Variants in ZFHX3 observed in about 807,000 individuals in gnomAD.
ZFHX3 encodes zinc finger homeobox 3.
ZFHX3 carries 42 observed loss-of-function variants against 279.1 expected under a neutral mutation model. That is an observed-to-expected ratio of 0.15 (90% confidence interval 0.12 to 0.19). The LOEUF (loss-of-function observed/expected upper bound fraction) is 0.19. Among genes scored for constraint, ZFHX3 ranks in the 10% least tolerant of loss-of-function variants. The pLI, the probability that ZFHX3 is intolerant of heterozygous loss-of-function variation, is 1.00. For missense variants in ZFHX3, 4,981 were observed against 4,754.0 expected (o/e 1.05, Z -1.40); for synonymous variants, 2,293 against 1,957.8 (o/e 1.17, Z -4.52).
chr16:73,616,643 C>G lies in ZFHX3; in HGVS notation c.-1547+63537G>C, dbSNP rs566016692. Among the ~76,000 whole-genome samples, 12 of 151,832 alleles carry G rather than the reference C, an allele frequency of 7.9e-5. No homozygotes were observed. The South Asian group carries it at 2.5e-3, about 32-fold the overall frequency. On this transcript the variant is annotated intron_variant, in intron 2 of 17. Coordinates refer to the ZFHX3 transcript ENST00000641206. ...ATATGCACATGTATAAAACGCATGT[C>G]AACACTAAATGTAAATATTGGTTTA...
chr16:73,170,232 T>TTTATTTTATTTTA (rs1555502446), intron 5 of ZFHX3, among the ~76,000 whole-genome samples: 3 of 134,192 alleles, frequency 2.2e-5, no homozygotes, highest in African/African-American at 8.5e-5. Context: ...AGTTTTTTTT[T>TTTATTTTATTTTA]TTTTTTTTTT....
chr16:73,634,461 TAA>T (rs34811810), intron 2 of ZFHX3, among the ~76,000 whole-genome samples: 7 of 140,980 alleles, frequency 5.0e-5, no homozygotes, highest in African/African-American at 1.7e-4. Context: ...TATATATATA[TAA>T]AATATATATG....
chr16:73,263,119 A>G (rs1470871178), intron 4 of ZFHX3, among the ~76,000 whole-genome samples: 1 of 152,196 alleles, frequency 6.6e-6, no homozygotes, highest in Admixed American at 6.5e-5. Context: ...TACACAGCGA[A>G]AGCTAACTGA....
At chr16:72,811,537 C>A in intron 7 of ZFHX3, 40 bp downstream of exon 7, 1 of 1,524,016 alleles carries the variant, frequency 6.6e-7, no homozygotes, top group East Asian at 2.3e-5. Context: ...ACCTTTGACC[C>A]TGGAGAAAGA....
intron 7 of ZFHX3, among the ~76,000 whole-genome samples, chr16:73,109,498 C>T (rs562955594): frequency 6.5e-5 from 6 of 91,662 alleles, no homozygotes; most frequent in South Asian, 3.5e-4. Flanking sequence ...AAAATCAGCA[C>T]GACACAGGTT....
At chr16:73,464,705 T>C (rs2018533694) in intron 2 of ZFHX3, among the ~76,000 whole-genome samples, 1 of 152,202 alleles carries the variant, frequency 6.6e-6, no homozygotes, top group South Asian at 2.1e-4. Context: ...TGAAGAATTA[T>C]TATTGTGCCT....
Position 73,358,350 on chromosome 16 carries a change from C to T in ZFHX3, c.-1290-40014G>A, listed in dbSNP as rs74487474. The stretch of plus-strand genomic sequence containing the variant: ...ACAGCGGCCTCCATGCTCTCTCCTC[C>T]ATCACTTGCTCTGATGTGAGCTGCA... On this transcript the variant is annotated intron_variant, in intron 3 of 17. Transcript: ENST00000641206. Among the ~76,000 whole-genome samples, 274 of 152,356 alleles carry T rather than the reference C, an allele frequency of 1.8e-3. 8 individuals carry two copies. In the East Asian group the frequency reaches 0.047, roughly 26 times the overall value.
At chr16:73,567,896 G>A (rs1174098425) in intron 2 of ZFHX3, among the ~76,000 whole-genome samples, 2 of 152,008 alleles carry the variant, frequency 1.3e-5, no homozygotes, top group East Asian at 1.9e-4. Flanking sequence ...GACATTGAAC[G>A]TAAACCAATG....
chr16:73,091,094 C>G lies in ZFHX3; in HGVS notation c.-533+2141G>C, dbSNP rs892262338. On this transcript the variant is annotated intron_variant, in intron 8 of 17. Transcript: ENST00000641206. ...GGCATGGTGGCGGGTGCCTGTAGTC[C>G]CAGCTACTCGGGAGGCTGAGGCAAA... 7.9e-5 allele frequency among the ~76,000 whole-genome samples: 12 copies of G among 151,890 alleles called. No individual in the cohort carries two copies. The East Asian group carries it at 2.1e-3, about 27-fold the overall frequency.
intron 7 of ZFHX3, among the ~76,000 whole-genome samples, chr16:72,806,332 G>C (rs2036265692): frequency 6.6e-6 from 1 of 152,190 alleles, no homozygotes; most frequent in African/African-American, 2.4e-5. Flanking sequence ...GTAGATGGGA[G>C]AACAGGAAAC....
intron 2 of ZFHX3, among the ~76,000 whole-genome samples, chr16:73,578,714 G>T (rs1275247996): frequency 2.6e-5 from 4 of 152,034 alleles, no homozygotes; most frequent in Admixed American, 6.6e-5. Flanking sequence ...TGAGGCAAAT[G>T]CATTTATTTT....
At chr16:72,951,057 T>C (rs1960973812) in intron 2 of ZFHX3, 92 bp from the exon 3 acceptor site, 1 of 1,515,426 alleles carries the variant, frequency 6.6e-7, no homozygotes. Context: ...CACCCTCAAC[T>C]GGGGTCCAAA....
intron 5 of ZFHX3, among the ~76,000 whole-genome samples, chr16:73,237,288 C>A (rs972408900): frequency 5.9e-5 from 9 of 152,190 alleles, no homozygotes; most frequent in Non-Finnish European, 2.9e-5. Context: ...TAGGGTCTTG[C>A]TGTGTTGTCC....
chr16:72,944,047 C>T (rs1441904774), intron 3 of ZFHX3, among the ~76,000 whole-genome samples: 1 of 152,022 alleles, frequency 6.6e-6, no homozygotes, highest in African/African-American at 2.4e-5. Flanking sequence ...TTTGGGAGGC[C>T]GAGGTGGGTG....
rs570446390 is a variant in ZFHX3, at chr16:72,788,642, G to A, written c.9634C>T (p.Pro3212Ser). 1 of 1,613,416 alleles carries A rather than the reference G, an allele frequency of 6.2e-7. No individual in the cohort carries two copies. Among genetic ancestry groups the A allele is most frequent in the Admixed American group, 1.7e-5 (1 of 59,990 alleles). The stretch of plus-strand genomic sequence containing the variant: ...GGTGGCGGCTGGGCTGCTGGCGGCG[G>A]GGGAGGCTGCTGCACCTGTGGTTGC... ...QQQPQVQQPP[P>S]PPAAQPPPTP... Residue 3212 changes from proline to serine, a missense_variant, in exon 10 of 10, where the codon CCG (proline) becomes TCG (serine). Transcript: ENST00000268489.
intron 3 of ZFHX3, among the ~76,000 whole-genome samples, chr16:72,915,059 CAA>C (rs2039409973): frequency 6.6e-6 from 1 of 152,096 alleles, no homozygotes; most frequent in Non-Finnish European, 1.5e-5. Flanking sequence ...ATTCAAAATT[CAA>C]AATTCCAGTA....
At chr16:73,365,061 A>G (rs945549479) in intron 3 of ZFHX3, among the ~76,000 whole-genome samples, 1 of 152,192 alleles carries the variant, frequency 6.6e-6, no homozygotes, top group Non-Finnish European at 1.5e-5. Flanking sequence ...CATGTGGCGA[A>G]GATCACTGAG....
intron 3 of ZFHX3, among the ~76,000 whole-genome samples, chr16:73,335,398 C>A (rs1288772241): frequency 1.3e-5 from 2 of 152,196 alleles, no homozygotes; most frequent in Non-Finnish European, 2.9e-5. Flanking sequence ...AAGGACTTAT[C>A]TTTTACCCCG....
chr16:72,893,135 T>C (rs1198910742), intron 3 of ZFHX3, among the ~76,000 whole-genome samples: 2 of 152,212 alleles, frequency 1.3e-5, no homozygotes, highest in African/African-American at 4.8e-5. Context: ...AAAAGAATGA[T>C]ATTCATTAAA....
Sources: gnomAD v4.1 joint callset for allele counts (sites outside exome capture counted in the v4.1 genomes callset) on GRCh38, gnomAD v4.1.1 for gene constraint, MANE v1.5 for transcripts, NCBI Gene and HGNC (gene_info 2026-07-23, HGNC 2026-07-21) for gene names.